The following MED13 variants were observed in gnomAD, a reference collection of about 807,000 sequenced individuals.
The protein encoded by MED13 is mediator complex subunit 13.
A neutral mutation model predicts 225.2 loss-of-function variants in MED13; 23 were observed. The ratio of observed to expected loss-of-function variants is 0.10; its 90% CI spans 0.07 to 0.14. The LOEUF is 0.14. MED13 is among the 10% of genes least tolerant of loss of function. The pLI is 1.00. For missense variants in MED13, 2,197 were observed against 2,594.5 expected, an observed-to-expected ratio of 0.85 and a Z score of 3.33; for synonymous variants, 942 against 889.2, an observed-to-expected ratio of 1.06 and a Z score of -1.06.
intron 2 of MED13, among the ~76,000 whole-genome samples, chr17:62,062,475 A>G (rs2081046241): frequency 6.6e-6 from 1 of 152,190 alleles, no homozygotes. Context: ...ATTATGTTTG[A>G]CAGAACAGTA....
chr17:62,023,948 T>C (rs1342921107), intron 8 of MED13, among the ~76,000 whole-genome samples: 1 of 152,208 alleles, frequency 6.6e-6, no homozygotes, highest in Non-Finnish European at 1.5e-5. Context: ...GTCACACGTA[T>C]CGATTATGTA....
chr17:62,043,491 G>A (rs1285075320), intron 3 of MED13, among the ~76,000 whole-genome samples: 1 of 152,068 alleles, frequency 6.6e-6, no homozygotes, highest in African/African-American at 2.4e-5. Context: ...TACAAGGTAC[G>A]GGATTCTTCT....
chr17:61,966,046 T>C (rs763043662), intron 19 of MED13, among the ~76,000 whole-genome samples: 14 of 152,208 alleles, frequency 9.2e-5, no homozygotes, highest in Non-Finnish European at 1.8e-4. Flanking sequence ...TAAACAGCTG[T>C]CGTTTTCTTA....
At chr17:62,051,194 T>A (rs1017921741) in intron 3 of MED13, among the ~76,000 whole-genome samples, 1 of 152,212 alleles carries the variant, frequency 6.6e-6, no homozygotes, top group Non-Finnish European at 1.5e-5. Context: ...GCCAAAGATA[T>A]GTCAACTAAA....
At chr17:62,008,319 A>AAAAAAAAAAAT (rs2080473933) in intron 9 of MED13, among the ~76,000 whole-genome samples, 6 of 137,706 alleles carry the variant, frequency 4.4e-5, no homozygotes, top group Non-Finnish European at 6.1e-5. Context: ...CTCTGTCTCA[A>AAAAAAAAAAAT]AAAAAAAAAA....
intron 3 of MED13, among the ~76,000 whole-genome samples, chr17:62,047,845 G>T (rs997598030): frequency 2.2e-4 from 33 of 151,484 alleles, no homozygotes; most frequent in African/African-American, 7.8e-4. Flanking sequence ...CTCCCACCTC[G>T]GCCCCTTAGT....
At position 61,966,573 on chromosome 17, in the gene MED13, T is replaced by C. The variant is rs539921712; in HGVS notation, c.4270A>G (p.Lys1424Glu). 14 of 1,614,014 alleles carry C rather than the reference T, an allele frequency of 8.7e-6. 1 individual carries two copies. Among genetic ancestry groups the C allele is most frequent in the Middle Eastern group, 3.3e-4 (2 of 6,060 alleles). The part of the protein sequence containing the change: ...GIMRVGSTAS[K>E]KLSEKLVAEW... ...GCTACCAACTTTTCTGATAGTTTCTTTGATGCAGTAGATCCAACTCTCATG... is the reference window on the plus strand; with the variant it reads ...GCTACCAACTTTTCTGATAGTTTCTCTGATGCAGTAGATCCAACTCTCATG... The change falls in exon 19 of 30, where the codon AAG becomes GAG. Residue 1424 changes from lysine (K) to glutamate (E), a missense_variant. Around this residue, in one of 12 missense-constraint regions of MED13, gnomAD observed 457 missense variants for 442.2 expected, o/e 1.03. Coordinates refer to ENST00000397786, the MANE Select transcript of MED13 (RefSeq NM_005121.3).
intron 3 of MED13, among the ~76,000 whole-genome samples, chr17:62,047,174 C>T (rs923280731): frequency 2.6e-5 from 4 of 152,042 alleles, no homozygotes; most frequent in Admixed American, 1.3e-4. Flanking sequence ...AGTTCGAGAC[C>T]AGTCTGGCTA....
chr17:62,042,939 T>C (rs2080866013), intron 3 of MED13, among the ~76,000 whole-genome samples: 1 of 151,556 alleles, frequency 6.6e-6, no homozygotes, highest in African/African-American at 2.4e-5. Context: ...CACTTGAGGC[T>C]AGGAGTTAGA....
intron 11 of MED13, among the ~76,000 whole-genome samples, chr17:61,990,589 C>CTATATATA (rs150828631): frequency 7.0e-5 from 10 of 143,178 alleles, no homozygotes; most frequent in African/African-American, 2.6e-4. Context: ...TAGGGTCTCA[C>CTATATATA]TATATATATA....
chr17:62,003,623 C>CAAAAAAAAAAAAAAAAAAAAAAA (rs1335956503), intron 9 of MED13: 2 of 86,070 alleles, frequency 2.3e-5, no homozygotes, highest in South Asian at 4.3e-4. Flanking sequence ...AAAAAAAAAG[C>CAAAAAAAAAAAAAAAAAAAAAAA]AAAAAGTGAA....
chr17:61,987,612 A>G (rs538659995), intron 11 of MED13, among the ~76,000 whole-genome samples: 71 of 152,284 alleles, frequency 4.7e-4, no homozygotes, highest in Non-Finnish European at 6.6e-4. Context: ...ATAAATGATT[A>G]TATCTTTCCC....
Position 61,950,991 on chromosome 17 carries a change from C to A in MED13, c.6125G>T (p.Ser2042Ile). The A allele has an allele frequency of 6.2e-7, 1 of 1,609,816 alleles. No homozygotes were observed. The highest frequency in any genetic ancestry group is 8.5e-7 in the Non-Finnish European group (1 of 1,177,930). ...TTCTGTTGATAGTAGCCGATCAGTA[C>A]TCTGACCCTTAAAAAGACAAAATTA... ...PHGGDAGKGQ[S>I]TDRLLSTEPH... The change falls in exon 28 of 30, where the codon AGT (serine) becomes ATT (isoleucine). Residue 2042 changes from serine (S) to isoleucine (I), a missense_variant. Ser to Ile is a moderately radical substitution (Grantham distance 142). Around this residue, in one of 12 missense-constraint regions of MED13, gnomAD observed 216 missense variants for 388.9 expected, o/e 0.56. Transcript: ENST00000397786.
rs1555645944 is a variant in MED13, at chr17:62,058,539, A to AAG, written c.301+4527_301+4528insCT. 1.8e-4 allele frequency among the ~76,000 whole-genome samples: 26 copies of AAG among 146,438 alleles called. No homozygotes were observed. In the East Asian group the frequency reaches 2.4e-3, roughly 13 times the overall value. On this transcript the variant is annotated intron_variant, in intron 2 of 29. Coordinates refer to ENST00000397786, the MANE Select transcript of MED13 (RefSeq NM_005121.3). Reference sequence around the variant, plus strand: ...TCATCTCAAAAAAAAAAAAAAAAAAAAAAGAAAGAAAGAAAGAAAAAAGCT... The same window carrying AAG: ...TCATCTCAAAAAAAAAAAAAAAAAAAAGAAAGAAAGAAAGAAAGAAAAAAGCT...
chr17:61,946,680 A>G (rs529584957), intron 29 of MED13, 80 bp from the exon 30 acceptor site: 11 of 1,518,264 alleles, frequency 7.2e-6, no homozygotes, highest in Non-Finnish European at 9.9e-6. Flanking sequence ...TATGGCATTT[A>G]AGACTCAAAG....
intron 9 of MED13, among the ~76,000 whole-genome samples, chr17:62,002,554 G>A (rs367714613): frequency 6.8e-6 from 1 of 146,124 alleles, no homozygotes; most frequent in East Asian, 2.1e-4. Context: ...TTATTTTAAT[G>A]ACAGGGAACA....
intron 3 of MED13, among the ~76,000 whole-genome samples, chr17:62,046,459 G>C (rs184159185): frequency 1.2e-4 from 18 of 152,276 alleles, no homozygotes; most frequent in Admixed American, 1.2e-3. Flanking sequence ...CTCCTAAATG[G>C]GTCAGCCCAT....
chr17:61,983,146 A>T, intron 15 of MED13, 32 bp from the exon 16 acceptor site: 2 of 1,489,934 alleles, frequency 1.3e-6, no homozygotes. Context: ...AAGATCAAAT[A>T]TATATATAAA....
intron 21 of MED13, 130 bp from the exon 22 acceptor site, chr17:61,961,909 G>A (rs79003316): frequency 0.036 from 31,424 of 882,910 alleles, 783 homozygotes; most frequent in Non-Finnish European, 0.041. Context: ...AAAATTTAAC[G>A]ATTGTTTTCT....
Sources: allele counts gnomAD v4.1 joint callset (sites outside exome capture counted in the v4.1 genomes callset), GRCh38; gene constraint gnomAD v4.1.1; regional missense constraint gnomAD v4.1.1; transcripts MANE v1.5; gene names NCBI Gene and HGNC (gene_info 2026-07-23, HGNC 2026-07-21).